SPATA18: variants seen among roughly 807,000 people sequenced by gnomAD.
The protein encoded by SPATA18 is mitochondria-eating protein.
SPATA18 carries 54 observed loss-of-function variants against 68.1 expected under a neutral mutation model. That is an observed-to-expected ratio of 0.79 (90% CI 0.64 to 0.99). The LOEUF (loss-of-function observed/expected upper bound fraction) is 0.99. Ranked by LOEUF, SPATA18 falls within the 50% of genes least tolerant of loss-of-function variation. The pLI is 0.00. For missense variants in SPATA18, 724 were observed against 681.1 expected, an observed-to-expected ratio of 1.06 and a Z score of -0.70; for synonymous variants, 242 against 244.8, an observed-to-expected ratio of 0.99 and a Z score of 0.11.
intron 11 of SPATA18, 24 bp from the exon 12 acceptor site, chr4:52,094,503 A>T (rs766139852): frequency 6.2e-7 from 1 of 1,609,752 alleles, no homozygotes; most frequent in South Asian, 1.1e-5. Flanking sequence ...TATGTAATTC[A>T]CATTATTCTT....
chr4:52,053,155 T>C (rs1333867716), intron 1 of SPATA18, among the ~76,000 whole-genome samples: 1 of 152,244 alleles, frequency 6.6e-6, no homozygotes, highest in African/African-American at 2.4e-5. Context: ...AACATGTTGT[T>C]TGTCACAATG....
chr4:52,064,722 G>A (rs1739174218), intron 4 of SPATA18, among the ~76,000 whole-genome samples: 1 of 152,162 alleles, frequency 6.6e-6, no homozygotes, highest in Admixed American at 6.6e-5. Flanking sequence ...ATTGCGATTT[G>A]TACTGCTATA....
rs1191373059 is a variant in SPATA18 at position 52,095,799 on chromosome 4, A to G, written c.*912A>G. 5 of 152,326 alleles carry G rather than the reference A, an allele frequency of 3.3e-5. No individual in the cohort carries two copies. The highest frequency in any genetic ancestry group is 6.5e-5 in the Admixed American group (1 of 15,288). 9.4% of individuals were successfully genotyped at this position (152,326 alleles called of 1,614,324 possible). A position where few individuals can be genotyped will look rare whatever the true frequency, so the allele number is the denominator to read the frequency against. The stretch of plus-strand genomic sequence containing the variant: ...CAAAACTACTTAAACTCAAGGCCCA[A>G]AACTAGGGGCACCATTTACTGATTT... On this transcript the variant is annotated 3_prime_UTR_variant, in exon 13 of 13. Coordinates refer to ENST00000295213, the MANE Select transcript of SPATA18 (RefSeq NM_145263.4).
At chr4:52,084,867 T>C (rs1741276775) in intron 10 of SPATA18, 49 bp from the exon 11 acceptor site, 9 of 1,585,300 alleles carry the variant, frequency 5.7e-6, no homozygotes, top group African/African-American at 1.3e-5. Context: ...GCCATGACAG[T>C]TTTCACAAAC....
intron 4 of SPATA18, 75 bp downstream of exon 4, chr4:52,062,407 A>G: frequency 9.9e-7 from 1 of 1,012,384 alleles, no homozygotes; most frequent in Non-Finnish European, 1.5e-6. Flanking sequence ...TCGAAAGGAG[A>G]ATAATGGCTC....
intron 10 of SPATA18, chr4:52,083,483 C>T: frequency 3.0e-6 from 3 of 985,248 alleles, no homozygotes; most frequent in Non-Finnish European, 3.6e-6. Context: ...GGCATGGTGG[C>T]CCACACCTGT....
At chr4:52,058,681 A>T (rs936517889) in intron 1 of SPATA18, among the ~76,000 whole-genome samples, 1 of 152,118 alleles carries the variant, frequency 6.6e-6, no homozygotes, top group Non-Finnish European at 1.5e-5. Flanking sequence ...CCTTCCCTGG[A>T]TGCCCTCCCC....
chr4:52,060,549 TC>T (rs1738743140), intron 2 of SPATA18, 25 bp downstream of exon 2: 1 of 1,597,652 alleles, frequency 6.3e-7, no homozygotes, highest in South Asian at 1.1e-5. Flanking sequence ...TAATTTCCCA[TC>T]CAGTTCTGCT....
intron 11 of SPATA18, among the ~76,000 whole-genome samples, chr4:52,093,845 G>A (rs1234710000): frequency 6.6e-6 from 1 of 152,150 alleles, no homozygotes; most frequent in African/African-American, 2.4e-5. Context: ...AGGTATCACT[G>A]CAGTCAACTT....
intron 11 of SPATA18, among the ~76,000 whole-genome samples, chr4:52,091,558 A>G (rs987313215): frequency 1.3e-5 from 2 of 152,166 alleles, no homozygotes; most frequent in Non-Finnish European, 2.9e-5. Flanking sequence ...GAGTTTACTG[A>G]AAGTCCACTC....
At chr4:52,089,621 A>T (rs2109532052) in intron 11 of SPATA18, among the ~76,000 whole-genome samples, 2 of 152,304 alleles carry the variant, frequency 1.3e-5, no homozygotes, top group South Asian at 4.1e-4. Flanking sequence ...CCTGAGTTCT[A>T]ATTTGATTGC....
At chr4:52,053,991 G>C (rs1039755313) in intron 1 of SPATA18, among the ~76,000 whole-genome samples, 4 of 152,082 alleles carry the variant, frequency 2.6e-5, no homozygotes, top group Admixed American at 6.6e-5. Flanking sequence ...AACCTTATCT[G>C]TTACTCTCTC....
intron 7 of SPATA18, 84 bp from the exon 8 acceptor site, chr4:52,078,650 AG>A: frequency 7.9e-7 from 1 of 1,270,048 alleles, no homozygotes; most frequent in Non-Finnish European, 1.1e-6. Context: ...ATGATGTTGA[AG>A]CTCGGATTCT....
At chr4:52,053,081 A>T (rs564132314) in intron 1 of SPATA18, among the ~76,000 whole-genome samples, 2 of 152,328 alleles carry the variant, frequency 1.3e-5, no homozygotes, top group South Asian at 2.1e-4. Context: ...AAATTCTAAC[A>T]TGTATACAGT....
rs1560576032 is a variant in SPATA18 at position 52,051,733 on chromosome 4, C to T, written c.29C>T (p.Ser10Leu). The T allele has an allele frequency of 1.2e-6, 2 of 1,614,116 alleles. No homozygotes were observed. The highest frequency in any genetic ancestry group is 8.5e-7 in the Non-Finnish European group (1 of 1,180,050). Reference protein sequence around the residue: MAENLKRLVSNETLRTLQEK... With the variant: MAENLKRLVLNETLRTLQEK... ...GCGGAAAACCTGAAAAGACTGGTCT[C>T]AAACGAAACTTTACGAACGTTGCAG... is the stretch of plus-strand genomic sequence containing the variant. Residue 10 changes from serine to leucine, a missense_variant, in exon 1 of 13, where the codon TCA becomes TTA. Transcript: ENST00000295213.
intron 4 of SPATA18, among the ~76,000 whole-genome samples, chr4:52,064,021 G>A (rs1739111105): frequency 6.6e-6 from 1 of 152,032 alleles, no homozygotes; most frequent in African/African-American, 2.4e-5. Context: ...CCTATAAGGG[G>A]TACCATAGAT....
chr4:52,066,815 C>A (rs1173974678), intron 4 of SPATA18, among the ~76,000 whole-genome samples: 1 of 152,166 alleles, frequency 6.6e-6, no homozygotes, highest in Non-Finnish European at 1.5e-5. Context: ...TCATCCATCT[C>A]CATGCAAAGG....
Position 52,095,434 on chromosome 4 carries a change from A to G in SPATA18, c.*547A>G, listed in dbSNP as rs1742343926. On this transcript the variant is annotated 3_prime_UTR_variant, in exon 13 of 13. Transcript: ENST00000295213. The stretch of plus-strand genomic sequence containing the variant: ...AGTGACTTAAGGCTAAGTGTAGAAG[A>G]TAATTTAAGATACATTTTCTTTATA... 1 of 152,376 alleles carries G rather than the reference A, an allele frequency of 6.6e-6. No individual in the cohort carries two copies. Among genetic ancestry groups the G allele is most frequent in the African/African-American group, 2.4e-5 (1 of 41,454 alleles). The allele number at this position is 152,376 out of a possible 1,614,324, so 9.4% of individuals were successfully genotyped here.
In SPATA18 at chr4:52,087,484, A is replaced by G. The variant is rs1741539920; in HGVS notation, c.1563+2485A>G. Among the ~76,000 whole-genome samples the G allele has an allele frequency of 3.3e-5, 5 of 152,268 alleles. No individual in the cohort carries two copies. In the South Asian group the frequency reaches 1.0e-3, roughly 32 times the overall value. ...GGGTCCAGTTTCAGTTTTCTGCATT[A>G]TGGCTAGCCAGTTTTCACAACACCA... On this transcript the variant is annotated intron_variant, in intron 11 of 12. Transcript: ENST00000295213.
Sources: allele counts gnomAD v4.1 joint callset (sites outside exome capture counted in the v4.1 genomes callset), GRCh38; gene constraint gnomAD v4.1.1; transcripts MANE v1.5; gene names NCBI Gene and HGNC (gene_info 2026-07-23, HGNC 2026-07-21).